The following HACD3 variants were observed in gnomAD, a reference collection of about 807,000 sequenced individuals.
HACD3 encodes very-long-chain (3R)-3-hydroxyacyl-CoA dehydratase 3.
A neutral mutation model predicts 55.2 loss-of-function variants in HACD3; 30 were observed. The observed-to-expected ratio is 0.54, with a 90% CI of 0.41 to 0.74. The LOEUF (loss-of-function observed/expected upper bound fraction) is 0.74, where lower values mean the gene tolerates loss of function less well. Ranked by LOEUF, HACD3 falls within the 30% of genes least tolerant of loss-of-function variation. The probability of loss-of-function intolerance (pLI) is 0.00; values close to 1 mark genes in which losing one functional copy is unlikely to be tolerated. For missense variants in HACD3, 363 were observed against 440.1 expected (o/e 0.82, Z 1.57); for synonymous variants, 141 against 151.7 (o/e 0.93, Z 0.52).
intron 9 of HACD3, 45 bp from the exon 10 acceptor site, chr15:65,572,190 T>C (rs763622794): frequency 6.2e-7 from 1 of 1,604,778 alleles, no homozygotes; most frequent in Non-Finnish European, 8.5e-7. Context: ...TCATTAAATG[T>C]GACTGTTTCA....
intron 1 of HACD3, among the ~76,000 whole-genome samples, chr15:65,537,624 C>T (rs57542226): frequency 2.0e-5 from 3 of 150,998 alleles, no homozygotes; most frequent in Non-Finnish European, 2.9e-5. Flanking sequence ...AACCCCGTCT[C>T]TACTAAAAAA....
At chr15:65,533,489 T>G (rs767699160) in intron 1 of HACD3, among the ~76,000 whole-genome samples, 13 of 152,206 alleles carry the variant, frequency 8.5e-5, no homozygotes, top group Non-Finnish European at 1.9e-4. Context: ...GCATAGCCAC[T>G]ATGTATTTGT....
intron 7 of HACD3, among the ~76,000 whole-genome samples, chr15:65,567,557 G>A (rs2072304366): frequency 6.6e-6 from 1 of 152,270 alleles, no homozygotes; most frequent in African/African-American, 2.4e-5. Context: ...TGGAATGTGA[G>A]GAGAAAATTC....
At chr15:65,535,613 TTTG>T (rs1346335490) in intron 1 of HACD3, 2 of 400,912 alleles carry the variant, frequency 5.0e-6, no homozygotes, top group Admixed American at 8.8e-5. Flanking sequence ...TGTGTTGTAT[TTTG>T]TTAATTCTTG....
intron 1 of HACD3, 173 bp downstream of exon 1, chr15:65,530,891 CT>C (rs2071890514): frequency 1.6e-6 from 1 of 630,292 alleles, no homozygotes; most frequent in Non-Finnish European, 2.6e-6. Flanking sequence ...ATCTGCAGAT[CT>C]CGGGCCGGGG....
At chr15:65,562,651 G>T in intron 5 of HACD3, 123 bp from the exon 6 acceptor site, 3 of 1,322,612 alleles carry the variant, frequency 2.3e-6, no homozygotes, top group Non-Finnish European at 3.0e-6. Flanking sequence ...CCAGGTATTT[G>T]TGTGGGAGCT....
intron 1 of HACD3, among the ~76,000 whole-genome samples, chr15:65,549,404 G>A (rs1361956735): frequency 6.9e-6 from 1 of 144,186 alleles, no homozygotes; most frequent in Non-Finnish European, 1.5e-5. Context: ...TGACCAATAT[G>A]GTGTAATCCC....
At chr15:65,544,313 T>C (rs2072052131) in intron 1 of HACD3, among the ~76,000 whole-genome samples, 1 of 152,252 alleles carries the variant, frequency 6.6e-6, no homozygotes, top group Non-Finnish European at 1.5e-5. Context: ...GTCTCTTTAC[T>C]GTGACAGTTG....
In HACD3 at chr15:65,575,762, C is replaced by T. The variant is rs537815883; in HGVS notation, c.1013-541C>T. 3.7e-4 allele frequency among the ~76,000 whole-genome samples: 56 copies of T among 152,190 alleles called. No individual in the cohort carries two copies. In the South Asian group the frequency reaches 6.2e-3, roughly 17 times the overall value. On this transcript the variant is annotated intron_variant, in intron 10 of 10. Transcript: ENST00000261875. ...CCCTGTATAATGATTTAATCTTTTG[C>T]GTGTTTGAAAATTTTATAAGAGAAA...
intron 10 of HACD3, chr15:65,574,262 G>A (rs139025498): frequency 6.6e-6 from 1 of 152,384 alleles, no homozygotes; most frequent in African/African-American, 2.4e-5. Flanking sequence ...TGGGGCTGGA[G>A]GATCTGCTCC....
chr15:65,572,205 C>A, intron 9 of HACD3, 30 bp from the exon 10 acceptor site: 1 of 1,608,812 alleles, frequency 6.2e-7, no homozygotes, highest in Non-Finnish European at 8.5e-7. Context: ...GTTTCATTTG[C>A]TTCTAACAAG....
chr15:65,560,914 C>T (rs995284521), intron 5 of HACD3, among the ~76,000 whole-genome samples: 9 of 151,790 alleles, frequency 5.9e-5, no homozygotes, highest in Admixed American at 5.3e-4. Flanking sequence ...TTTCACAAGA[C>T]ATTACTTGTT....
intron 3 of HACD3, among the ~76,000 whole-genome samples, chr15:65,555,198 A>C (rs1655844): frequency 0.94 from 143,129 of 152,152 alleles, 67,322 homozygotes; most frequent in Admixed American, 0.96. Flanking sequence ...CAAGTCTCTT[A>C]ACTTCTTCGA....
intron 7 of HACD3, chr15:65,564,578 A>G: frequency 2.2e-6 from 1 of 456,546 alleles, no homozygotes; most frequent in Non-Finnish European, 3.8e-6. Flanking sequence ...ATGAGGAAGA[A>G]GCAAAAGCAG....
chr15:65,558,897 C>T (rs139373532), intron 5 of HACD3, among the ~76,000 whole-genome samples, 166 bp downstream of exon 5: 120 of 152,296 alleles, frequency 7.9e-4, no homozygotes, highest in African/African-American at 2.8e-3. Flanking sequence ...GCACTACCCA[C>T]GTCAGAATCC....
Position 65,538,839 on chromosome 15 carries a change from A to T in HACD3, c.87+8121A>T, listed in dbSNP as rs142593785. ...CACCTGGATCAGTCCACAGCCATCAACATTGAGGCAGGACCCGCCACCAGC... is the reference window on the plus strand; with the variant it reads ...CACCTGGATCAGTCCACAGCCATCATCATTGAGGCAGGACCCGCCACCAGC... On this transcript the variant is annotated intron_variant, in intron 1 of 10. Transcript: ENST00000261875. 3.3e-5 allele frequency among the ~76,000 whole-genome samples: 5 copies of T among 152,356 alleles called. No homozygotes were observed. In the East Asian group the frequency reaches 9.6e-4, roughly 29 times the overall value.
chr15:65,554,379 A>G (rs148261147), intron 2 of HACD3, among the ~76,000 whole-genome samples: 118 of 152,318 alleles, frequency 7.7e-4, no homozygotes, highest in East Asian at 5.6e-3. Context: ...GATTTGGCCT[A>G]TCTAGCTGTT....
chr15:65,563,028 C>A, intron 6 of HACD3, 144 bp downstream of exon 6: 2 of 1,271,122 alleles, frequency 1.6e-6, no homozygotes, highest in Non-Finnish European at 2.1e-6. Flanking sequence ...GCTTTCATAG[C>A]TCTTATTTCC....
chr15:65,554,964 T>G lies in HACD3; in HGVS notation c.204+4T>G. 1 of 1,594,494 alleles carries G rather than the reference T, an allele frequency of 6.3e-7. No homozygotes were observed. Among genetic ancestry groups the G allele is most frequent in the Non-Finnish European group, 8.6e-7 (1 of 1,162,522 alleles). ...CTTAGACCTTGTGAAACCAGAGGTA[T>G]GTTCTTTCCTTTCTCACTTCCCTTC... is the stretch of plus-strand genomic sequence containing the variant. On this transcript the variant is annotated splice_donor_region_variant and intron_variant, in intron 3 of 10. Transcript: ENST00000261875.
Sources: allele counts gnomAD v4.1 joint callset (sites outside exome capture counted in the v4.1 genomes callset), GRCh38; gene constraint gnomAD v4.1.1; transcripts MANE v1.5; gene names NCBI Gene and HGNC (gene_info 2026-07-23, HGNC 2026-07-21).